The following FAM76B variants were observed in gnomAD, a reference collection of about 807,000 sequenced individuals.
FAM76B encodes the protein protein FAM76B.
FAM76B carries 16 observed loss-of-function variants against 51.8 expected under a neutral mutation model. The ratio of observed to expected loss-of-function variants is 0.31; its 90% CI spans 0.21 to 0.47. The LOEUF (loss-of-function observed/expected upper bound fraction) is 0.47. Among genes scored for constraint, FAM76B ranks in the 20% least tolerant of loss-of-function variants. The pLI is 1.00. For missense variants in FAM76B, 342 were observed against 392.6 expected (o/e 0.87, Z 1.09); for synonymous variants, 166 against 129.5 (o/e 1.28, Z -1.91).
At chr11:95,788,240 C>T (rs1218836898) in intron 2 of FAM76B, among the ~76,000 whole-genome samples, 1 of 152,156 alleles carries the variant, frequency 6.6e-6, no homozygotes, top group East Asian at 1.9e-4. Flanking sequence ...TTTACATTTG[C>T]ATTTTCATTA....
In FAM76B at chr11:95,788,354, A is replaced by C. The variant is rs113915129; in HGVS notation, c.152+145T>G. The C allele has an allele frequency of 6.6e-4, 432 of 658,172 alleles. No individual in the cohort carries two copies. The African/African-American group carries it at 7.3e-3, about 11-fold the overall frequency. The allele number at this position is 658,172 out of a possible 1,614,324, so 40.8% of individuals were successfully genotyped here. A position where few individuals can be genotyped will look rare whatever the true frequency, so the allele number is the denominator to read the frequency against. ...TTTTCGCAACATTCTCTCTCCCACC[A>C]TGTATAAAAGGTTTACAACTTAAAA... On this transcript the variant is annotated intron_variant, in intron 2 of 9. Transcript: ENST00000358780.
chr11:95,784,999 A>G (rs899333628), intron 4 of FAM76B, among the ~76,000 whole-genome samples: 6 of 152,108 alleles, frequency 3.9e-5, no homozygotes, highest in African/African-American at 1.4e-4. Context: ...ACTTAATCCT[A>G]TATTTCTCTT....
At chr11:95,772,778 T>C (rs1185701618) in intron 9 of FAM76B, among the ~76,000 whole-genome samples, 2 of 151,120 alleles carry the variant, frequency 1.3e-5, no homozygotes, top group African/African-American at 2.4e-5. Flanking sequence ...TTTCATGAAA[T>C]AACCTTTTTC....
chr11:95,783,325 G>T, intron 4 of FAM76B, 61 bp from the exon 5 acceptor site: 2 of 1,490,208 alleles, frequency 1.3e-6, no homozygotes, highest in Non-Finnish European at 1.8e-6. Flanking sequence ...ACGAAACCAG[G>T]TAAGATAAAC....
intron 1 of FAM76B, chr11:95,789,100 A>G: frequency 2.1e-6 from 3 of 1,403,492 alleles, no homozygotes; most frequent in Non-Finnish European, 1.9e-6. Context: ...TCTGCGGCAT[A>G]GACAGGTGGC....
chr11:95,784,000 G>C (rs1407428448), intron 4 of FAM76B, among the ~76,000 whole-genome samples: 1 of 152,140 alleles, frequency 6.6e-6, no homozygotes, highest in African/African-American at 2.4e-5. Flanking sequence ...GGCTCAAGAA[G>C]GTTGTAATGT....
chr11:95,777,722 A>G (rs1164594701), intron 8 of FAM76B, among the ~76,000 whole-genome samples: 1 of 151,484 alleles, frequency 6.6e-6, no homozygotes, highest in African/African-American at 2.4e-5. Context: ...TAAGCCCACT[A>G]ACCATCAAGG....
rs1364406795 is a variant in FAM76B, at chr11:95,771,068, T to C, written c.*493A>G. 6.6e-6 allele frequency: 1 copy of C among 151,856 alleles called. No individual in the cohort carries two copies. The highest frequency in any genetic ancestry group is 1.9e-4 in the East Asian group (1 of 5,202). The allele number at this position is 151,856 out of a possible 1,614,324, so 9.4% of individuals were successfully genotyped here. ...TCATTTAATAAAAGCACCGTGATTT[T>C]CTCCTAAATTCATCTTGATGCAAAG... On this transcript the variant is annotated 3_prime_UTR_variant, in exon 10 of 10. Coordinates refer to ENST00000358780, the MANE Select transcript of FAM76B (RefSeq NM_144664.5).
At chr11:95,778,449 T>A (rs552105603) in intron 8 of FAM76B, among the ~76,000 whole-genome samples, 1 of 151,682 alleles carries the variant, frequency 6.6e-6, no homozygotes, top group South Asian at 2.1e-4. Flanking sequence ...ACTGGATTGA[T>A]ACAAATATAT....
chr11:95,774,951 T>C (rs1859929011), intron 9 of FAM76B, among the ~76,000 whole-genome samples: 1 of 149,194 alleles, frequency 6.7e-6, no homozygotes, highest in African/African-American at 2.5e-5. Flanking sequence ...GAAGTATGAA[T>C]AATACAAAAC....
chr11:95,788,696 G>C, intron 1 of FAM76B, 133 bp from the exon 2 acceptor site: 3 of 1,212,490 alleles, frequency 2.5e-6, no homozygotes, highest in Non-Finnish European at 3.4e-6. Flanking sequence ...TAAAGAACTG[G>C]ATGCTTTATC....
At chr11:95,779,030 T>TA in intron 7 of FAM76B, 73 bp from the exon 8 acceptor site, 2 of 1,596,674 alleles carry the variant, frequency 1.3e-6, no homozygotes, top group Non-Finnish European at 1.7e-6. Context: ...TTGCATAAAT[T>TA]AGACAATTCC....
chr11:95,789,569 T>G lies in FAM76B; in HGVS notation c.-91A>C. The G allele has an allele frequency of 1.7e-6, 2 of 1,144,450 alleles. No individual in the cohort carries two copies. The highest frequency in any genetic ancestry group is 1.5e-5 in the South Asian group (1 of 68,682). The allele number at this position is 1,144,450 out of a possible 1,614,324, so 70.9% of individuals were successfully genotyped here. On this transcript the variant is annotated 5_prime_UTR_variant, in exon 1 of 10. Coordinates refer to ENST00000358780, the MANE Select transcript of FAM76B (RefSeq NM_144664.5). Reference sequence around the variant, plus strand: ...AGCCGCCGCCGCCCGGGCCGCGGGCTCCTCCTCCTCCCCCTCCCCCTGCCT... The same window carrying G: ...AGCCGCCGCCGCCCGGGCCGCGGGCGCCTCCTCCTCCCCCTCCCCCTGCCT...
chr11:95,787,199 T>C (rs933132315), intron 3 of FAM76B, among the ~76,000 whole-genome samples: 3 of 152,210 alleles, frequency 2.0e-5, no homozygotes, highest in African/African-American at 7.2e-5. Flanking sequence ...ATGTCTTTCA[T>C]AAAATATGGT....
At chr11:95,783,456 T>C (rs778060764) in intron 4 of FAM76B, among the ~76,000 whole-genome samples, 192 bp from the exon 5 acceptor site, 2 of 152,120 alleles carry the variant, frequency 1.3e-5, no homozygotes, top group Non-Finnish European at 2.9e-5. Flanking sequence ...AAAATACTTG[T>C]TAGGAGAATT....
At chr11:95,789,283 C>T (rs892090696) in intron 1 of FAM76B, 109 bp downstream of exon 1, 2 of 1,290,176 alleles carry the variant, frequency 1.6e-6, no homozygotes, top group African/African-American at 3.0e-5. Context: ...CTCCAGACTC[C>T]CAAACCCCTG....
rs1207331108 is a variant in FAM76B at position 95,777,876 on chromosome 11, A to G, written c.828+946T>C. On this transcript the variant is annotated intron_variant, in intron 8 of 9. Transcript: ENST00000358780. ...AATGATTTTAGTGTTCTCCTACTGCATAATACATTTGATACAGGTCAAACT... is the reference window on the plus strand; with the variant it reads ...AATGATTTTAGTGTTCTCCTACTGCGTAATACATTTGATACAGGTCAAACT... Among the ~76,000 whole-genome samples, 4 of 151,624 alleles carry G rather than the reference A, an allele frequency of 2.6e-5. No individual in the cohort carries two copies. The Middle Eastern group carries it at 0.01, about 387-fold the overall frequency.
At chr11:95,788,473 A>C (rs373512480) in intron 2 of FAM76B, 26 bp downstream of exon 2, 3 of 1,541,038 alleles carry the variant, frequency 1.9e-6, no homozygotes, top group Admixed American at 1.7e-5. Flanking sequence ...TGTCTTTAAC[A>C]GTCAAAAACT....
intron 8 of FAM76B, among the ~76,000 whole-genome samples, chr11:95,778,295 T>C (rs1447432748): frequency 6.6e-6 from 1 of 151,472 alleles, no homozygotes; most frequent in Non-Finnish European, 1.5e-5. Context: ...TTCATTTAAC[T>C]GATGAAGTCC....
Sources: gnomAD v4.1 joint callset for allele counts (sites outside exome capture counted in the v4.1 genomes callset) on GRCh38, gnomAD v4.1.1 for gene constraint, MANE v1.5 for transcripts, NCBI Gene and HGNC (gene_info 2026-07-23, HGNC 2026-07-21) for gene names.